Variants in GPX8 observed in about 807,000 individuals in gnomAD.
GPX8 encodes protein peroxidase GPX8.
A neutral mutation model predicts 17.8 loss-of-function variants in GPX8; 12 were observed. That is an observed-to-expected ratio of 0.67 (90% confidence interval 0.43 to 1.09). GPX8 has a LOEUF of 1.09. Among genes scored for constraint, GPX8 ranks in the 50% least tolerant of loss-of-function variants. The probability of loss-of-function intolerance (pLI) is 0.00; values close to 1 mark genes in which losing one functional copy is unlikely to be tolerated. For synonymous variants in GPX8, 86 were observed against 88.1 expected, an observed-to-expected ratio of 0.98 and a Z score of 0.14; for missense variants, 209 against 235.6, an observed-to-expected ratio of 0.89 and a Z score of 0.74.
At position 55,166,367 on chromosome 5, in the gene GPX8, C is replaced by G. The variant is rs1379032127; in HGVS notation, c.*2149C>G. ...CTTACATCTCTCTAATCTTGGCTGC[C>G]TTATTCAACCTACAGACTCTATGTC... On this transcript the variant is annotated 3_prime_UTR_variant, in exon 3 of 3. Coordinates refer to ENST00000503787, the MANE Select transcript of GPX8 (RefSeq NM_001008397.4). 1 of 152,222 alleles carries G rather than the reference C, an allele frequency of 6.6e-6. No homozygotes were observed. The highest frequency in any genetic ancestry group is 6.5e-5 in the Admixed American group (1 of 15,280). The allele number at this position is 152,222 out of a possible 1,614,324, so 9.4% of individuals were successfully genotyped here.
rs761988621 is a variant in GPX8 at position 55,161,128 on chromosome 5, ATCGGAG to A, written c.340_345del (p.Ser114_Glu115del). On this transcript the variant is annotated inframe_deletion, in exon 2 of 3. Coordinates refer to ENST00000503787, the MANE Select transcript of GPX8 (RefSeq NM_001008397.4). ...CTTTTCCCTGCAATCAGTTTGGAGA[ATCGGAG>A]CCCCGCCCAAGCAAGGAAGTAGAAT... is the stretch of plus-strand genomic sequence containing the variant. The A allele has an allele frequency of 1.9e-6, 3 of 1,614,118 alleles. No individual in the cohort carries two copies. The African/African-American group carries it at 4.0e-5, about 22-fold the overall frequency.
Position 55,161,083 on chromosome 5 carries a change from A to T in GPX8, c.294A>T (p.Pro98=). Residue 98 remains proline (P), a synonymous_variant, in exon 2 of 3, where the codon CCA becomes CCT. Coordinates refer to ENST00000503787, the MANE Select transcript of GPX8 (RefSeq NM_001008397.4). ...GLKELHKEFG[P]SHFSVLAFPC... ...AGGAACTGCACAAAGAGTTTGGACC[A>T]TCCCACTTCAGCGTGTTGGCTTTTC... 1 of 1,614,222 alleles carries T rather than the reference A, an allele frequency of 6.2e-7. No homozygotes were observed. Among genetic ancestry groups the T allele is most frequent in the Non-Finnish European group, 8.5e-7 (1 of 1,180,034 alleles).
Position 55,164,125 on chromosome 5 carries a change from G to T in GPX8, c.537G>T (p.Lys179Asn). Residue 179 changes from lysine (K) to asparagine (N), a missense_variant, in exon 3 of 3, where the codon AAG becomes AAT. Transcript: ENST00000503787. ...YLVNPEGQVV[K>N]FWKPEEPIEV... ...TCAACCCTGAGGGTCAAGTTGTGAA[G>T]TTCTGGAAGCCAGAGGAGCCCATTG... The T allele has an allele frequency of 6.2e-7, 1 of 1,607,816 alleles. No homozygotes were observed. The highest frequency in any genetic ancestry group is 8.5e-7 in the Non-Finnish European group (1 of 1,175,618).
In GPX8 at chr5:55,160,250, G is replaced by A. The variant is rs1181161278; in HGVS notation, c.58G>A (p.Ala20Thr). 6.2e-7 allele frequency: 1 copy of A among 1,614,026 alleles called. No individual in the cohort carries two copies. Among genetic ancestry groups the A allele is most frequent in the Non-Finnish European group, 8.5e-7 (1 of 1,179,890 alleles). ...KCSGPRAKVF[A>T]VLLSIVLCTV... ...TTCCGGGCCCAGAGCAAAGGTATTT[G>A]CAGTTTTGCTGTCTATAGTTCTATG... The change falls in exon 1 of 3, where the codon GCA (alanine) becomes ACA (threonine). Residue 20 changes from alanine (A) to threonine (T), a missense_variant. Coordinates refer to ENST00000503787, the MANE Select transcript of GPX8 (RefSeq NM_001008397.4).
At chr5:55,160,588 C>T (rs1743994910) in intron 1 of GPX8, 192 bp downstream of exon 1, 1 of 550,794 alleles carries the variant, frequency 1.8e-6, no homozygotes, top group South Asian at 2.6e-5. Flanking sequence ...CCGATTATCT[C>T]GTTTTCTTTA....
rs1414989187 is a variant in GPX8, at chr5:55,160,174, C to A, written c.-19C>A. ...CTTGAATTCCAGGCTGCTGAGACTT[C>A]CCTCTAGAATCCTCCAACATGGAGC... On this transcript the variant is annotated 5_prime_UTR_variant, in exon 1 of 3. Coordinates refer to ENST00000503787, the MANE Select transcript of GPX8 (RefSeq NM_001008397.4). 1 of 1,597,568 alleles carries A rather than the reference C, an allele frequency of 6.3e-7. No individual in the cohort carries two copies. Among genetic ancestry groups the A allele is most frequent in the Non-Finnish European group, 8.6e-7 (1 of 1,165,374 alleles).
chr5:55,162,477 A>G (rs1169650474), intron 2 of GPX8, among the ~76,000 whole-genome samples: 8 of 152,240 alleles, frequency 5.3e-5, no homozygotes, highest in Admixed American at 5.2e-4. Context: ...TTCACTGTAA[A>G]TAAGTTGAGT....
At chr5:55,160,827 C>T in intron 1 of GPX8, 167 bp from the exon 2 acceptor site, 1 of 637,624 alleles carries the variant, frequency 1.6e-6, no homozygotes, top group Non-Finnish European at 2.6e-6. Context: ...TTAACCCAGG[C>T]ATCTAGGTTA....
At chr5:55,162,129 C>G (rs939637147) in intron 2 of GPX8, among the ~76,000 whole-genome samples, 8 of 149,446 alleles carry the variant, frequency 5.4e-5, no homozygotes, top group African/African-American at 2.0e-4. Flanking sequence ...GGCGCGGTGG[C>G]TCACGCCTGT....
chr5:55,166,927 G>C lies in GPX8; in HGVS notation c.*2709G>C, dbSNP rs1744423238. 6.6e-6 allele frequency: 1 copy of C among 152,224 alleles called. No individual in the cohort carries two copies. The highest frequency in any genetic ancestry group is 2.4e-5 in the African/African-American group (1 of 41,432). The allele number at this position is 152,224 out of a possible 1,614,324, so 9.4% of individuals were successfully genotyped here. ...TGCCTGTAATCCCAGCTACCTGGGA[G>C]GCTGAGTCAGAAGAATCACTTGAAA... On this transcript the variant is annotated 3_prime_UTR_variant, in exon 3 of 3. Coordinates refer to ENST00000503787, the MANE Select transcript of GPX8 (RefSeq NM_001008397.4).
chr5:55,162,121 C>T (rs972996492), intron 2 of GPX8, among the ~76,000 whole-genome samples: 13 of 147,890 alleles, frequency 8.8e-5, no homozygotes, highest in South Asian at 8.6e-4. Flanking sequence ...AAAGGCCGGG[C>T]GCGGTGGCTC....
rs1351395943 is a variant in GPX8 at position 55,161,048 on chromosome 5, T to G, written c.259T>G (p.Leu87Val). 1 of 1,614,128 alleles carries G rather than the reference T, an allele frequency of 6.2e-7. No individual in the cohort carries two copies. The highest frequency in any genetic ancestry group is 1.1e-5 in the South Asian group (1 of 91,076). ...SDCQLTDRNY[L>V]GLKELHKEFG... ...CTGCCAACTCACAGACAGAAATTAC[T>G]TAGGGCTGAAGGAACTGCACAAAGA... The change falls in exon 2 of 3, where the codon TTA (leucine) becomes GTA (valine). Residue 87 changes from leucine to valine, a missense_variant. By Grantham distance (32) the Leu-to-Val change is conservative. Coordinates refer to ENST00000503787, the MANE Select transcript of GPX8 (RefSeq NM_001008397.4).
chr5:55,161,153 G>C lies in GPX8; in HGVS notation c.364G>C (p.Val122Leu). 2 of 1,614,210 alleles carry C rather than the reference G, an allele frequency of 1.2e-6. No homozygotes were observed. Among genetic ancestry groups the C allele is most frequent in the Non-Finnish European group, 1.7e-6 (2 of 1,180,036 alleles). The part of the protein sequence containing the change: ...GESEPRPSKE[V>L]ESFARKNYGV... ...ATCGGAGCCCCGCCCAAGCAAGGAA[G>C]TAGAATCTTTTGCAAGAAAAAACTA... The change falls in exon 2 of 3, where the codon GTA (valine) becomes CTA (leucine). Residue 122 changes from valine to leucine, a missense_variant. By Grantham distance (32) the Val-to-Leu change is conservative. Transcript: ENST00000503787.
chr5:55,161,676 C>T (rs1744074054), intron 2 of GPX8, among the ~76,000 whole-genome samples: 1 of 152,170 alleles, frequency 6.6e-6, no homozygotes, highest in Admixed American at 6.5e-5. Flanking sequence ...TTTATGTTGT[C>T]TTTCTTATCT....
Position 55,161,165 on chromosome 5 carries a change from G to C in GPX8, c.376G>C (p.Ala126Pro). 6.2e-7 allele frequency: 1 copy of C among 1,614,192 alleles called. No individual in the cohort carries two copies. Residue 126 changes from alanine to proline, a missense_variant, in exon 2 of 3, where the codon GCA becomes CCA. Coordinates refer to ENST00000503787, the MANE Select transcript of GPX8 (RefSeq NM_001008397.4). ...CCCAAGCAAGGAAGTAGAATCTTTT[G>C]CAAGAAAAAACTACGGAGTAACTTT... is the stretch of plus-strand genomic sequence containing the variant. ...PRPSKEVESF[A>P]RKNYGVTFPI... is the part of the protein sequence containing the mutation.
rs775681987 is a variant in GPX8 at position 55,160,211 on chromosome 5, T to C, written c.19T>C (p.Tyr7His). ...CTCCAACATGGAGCCTCTTGCAGCT[T>C]ACCCGCTAAAATGTTCCGGGCCCAG... is the stretch of plus-strand genomic sequence containing the variant. MEPLAA[Y>H]PLKCSGPRAK... Residue 7 changes from tyrosine to histidine, a missense_variant, in exon 1 of 3, where the codon TAC becomes CAC. Tyr to His is a moderately conservative substitution (Grantham distance 83). Coordinates refer to ENST00000503787, the MANE Select transcript of GPX8 (RefSeq NM_001008397.4). 6.2e-7 allele frequency: 1 copy of C among 1,614,016 alleles called. No individual in the cohort carries two copies. The highest frequency in any genetic ancestry group is 2.2e-5 in the East Asian group (1 of 44,876).
chr5:55,161,866 A>G (rs1744083684), intron 2 of GPX8, among the ~76,000 whole-genome samples: 1 of 152,212 alleles, frequency 6.6e-6, no homozygotes, highest in African/African-American at 2.4e-5. Flanking sequence ...TGAGGCATAC[A>G]GACAGCATAG....
In GPX8 at chr5:55,160,369, T is replaced by C. The variant is rs761741915; in HGVS notation, c.177T>C (p.Thr59=). 6.2e-7 allele frequency: 1 copy of C among 1,612,886 alleles called. No individual in the cohort carries two copies. The highest frequency in any genetic ancestry group is 8.5e-7 in the Non-Finnish European group (1 of 1,179,876). The part of the protein sequence containing the change: ...AFEVKDAKGR[T]VSLEKYKGKV... ...AAGTGAAGGATGCAAAAGGAAGAAC[T>C]GTTTCTCTGGAAAAGTATAAAGGCA... Residue 59 remains threonine, a synonymous_variant, in exon 1 of 3, where the codon ACT becomes ACC. Transcript: ENST00000503787.
intron 2 of GPX8, 133 bp downstream of exon 2, chr5:55,161,388 G>A: frequency 1.2e-6 from 1 of 850,188 alleles, no homozygotes; most frequent in East Asian, 2.5e-5. Flanking sequence ...CAAAGAGCCA[G>A]AATCTCATCC....
Sources: gnomAD v4.1 joint callset for allele counts (sites outside exome capture counted in the v4.1 genomes callset) on GRCh38, gnomAD v4.1.1 for gene constraint, MANE v1.5 for transcripts, NCBI Gene and HGNC (gene_info 2026-07-23, HGNC 2026-07-21) for gene names.